Variants in NEGR1 observed in about 807,000 individuals in gnomAD.
The protein encoded by NEGR1 is neuronal growth regulator 1, also known as IgLON family member 4.
In NEGR1, 10 loss-of-function variants were observed where a neutral mutation model predicts 40.9. That is an observed-to-expected ratio of 0.24 (90% CI 0.15 to 0.42). The LOEUF (loss-of-function observed/expected upper bound fraction) is 0.42, where lower values mean the gene tolerates loss of function less well. Among genes scored for constraint, NEGR1 ranks in the 10% least tolerant of loss-of-function variants. The probability of loss-of-function intolerance (pLI) is 1.00; values close to 1 mark genes in which losing one functional copy is unlikely to be tolerated. For synonymous variants in NEGR1, 185 were observed against 166.8 expected (o/e 1.11, Z -0.84); for missense variants, 352 against 438.9 (o/e 0.80, Z 1.77).
rs578210259 is a variant in NEGR1 at position 71,615,020 on chromosome 1, C to A, written c.668-3874G>T. On this transcript the variant is annotated intron_variant, in intron 4 of 6. Transcript: ENST00000357731. The stretch of plus-strand genomic sequence containing the variant: ...AAGAAAAAGTCCTAAGAGCATTTTG[C>A]AAGGTATAGAGTTAAAGGTCCAAGT... Among the ~76,000 whole-genome samples, 614 of 152,114 alleles carry A rather than the reference C, an allele frequency of 4.0e-3. 4 individuals carry two copies. The highest frequency in any genetic ancestry group is 6.5e-3 in the Non-Finnish European group (444 of 68,004).
intron 6 of NEGR1, among the ~76,000 whole-genome samples, chr1:71,524,386 A>C (rs886853479): frequency 3.3e-5 from 5 of 150,332 alleles, no homozygotes; most frequent in Non-Finnish European, 7.4e-5. Context: ...AATATTGTAA[A>C]ATTATTGGTA....
At chr1:72,018,392 C>T (rs1015783420) in intron 1 of NEGR1, among the ~76,000 whole-genome samples, 18 of 152,042 alleles carry the variant, frequency 1.2e-4, no homozygotes, top group African/African-American at 4.3e-4. Flanking sequence ...TAAGAACTAC[C>T]AGTGCCTAGG....
intron 2 of NEGR1, among the ~76,000 whole-genome samples, chr1:71,854,306 G>A (rs909202382): frequency 1.3e-4 from 19 of 151,742 alleles, no homozygotes; most frequent in African/African-American, 4.6e-4. Flanking sequence ...CTTATACTTC[G>A]GGCCCAAATT....
At chr1:71,638,009 G>T (rs899137844) in intron 4 of NEGR1, among the ~76,000 whole-genome samples, 1 of 151,984 alleles carries the variant, frequency 6.6e-6, no homozygotes, top group Admixed American at 6.6e-5. Context: ...ATTTAGATGA[G>T]AAAGCTGAAG....
At chr1:72,036,115 G>T (rs1646899862) in intron 1 of NEGR1, among the ~76,000 whole-genome samples, 1 of 152,136 alleles carries the variant, frequency 6.6e-6, no homozygotes, top group African/African-American at 2.4e-5. Context: ...ACAATTCACA[G>T]TTTTTAGAAT....
In NEGR1 at chr1:72,129,565, A is replaced by G. The variant is rs578113324; in HGVS notation, c.176+152754T>C. ...GGGCGAACAAGCTACAAACAGTAAT[A>G]TTGAAGTTTAGGGAGAAAAGAGTTT... On this transcript the variant is annotated intron_variant, in intron 1 of 6. Coordinates refer to ENST00000357731, the MANE Select transcript of NEGR1 (RefSeq NM_173808.3). Among the ~76,000 whole-genome samples the G allele has an allele frequency of 2.0e-5, 3 of 152,328 alleles. No individual in the cohort carries two copies. The East Asian group carries it at 5.8e-4, about 29-fold the overall frequency.
At chr1:71,987,530 A>T (rs565286956) in intron 1 of NEGR1, among the ~76,000 whole-genome samples, 1 of 152,342 alleles carries the variant, frequency 6.6e-6, no homozygotes, top group East Asian at 1.9e-4. Flanking sequence ...AATGCAGGGC[A>T]TTGACCCTCT....
chr1:71,795,716 CA>C (rs1436140631), intron 2 of NEGR1, among the ~76,000 whole-genome samples: 2 of 152,050 alleles, frequency 1.3e-5, no homozygotes, highest in Admixed American at 1.3e-4. Context: ...CCCTGTGTAT[CA>C]ATATGAACTA....
chr1:71,935,078 C>A lies in NEGR1; in HGVS notation c.409+1G>T. On this transcript the variant is annotated splice_donor_variant, in intron 2 of 6. Transcript: ENST00000357731. LOFTEE classifies it high-confidence loss of function. ...AATATAGCAGTTCTGAAAATACATA[C>A]CTTGCACAGTTAGATGCACCTGCAT... is the stretch of plus-strand genomic sequence containing the variant. 1 of 1,574,750 alleles carries A rather than the reference C, an allele frequency of 6.4e-7. No individual in the cohort carries two copies. Among genetic ancestry groups the A allele is most frequent in the Non-Finnish European group, 8.7e-7 (1 of 1,144,272 alleles).
At chr1:71,871,931 G>T (rs1212725808) in intron 2 of NEGR1, among the ~76,000 whole-genome samples, 21 of 152,142 alleles carry the variant, frequency 1.4e-4, no homozygotes, top group Non-Finnish European at 3.1e-4. Context: ...ATTATGGGAA[G>T]TATTATTCAC....
chr1:72,232,857 T>C (rs1339528169), intron 1 of NEGR1, among the ~76,000 whole-genome samples: 5 of 152,154 alleles, frequency 3.3e-5, no homozygotes, highest in African/African-American at 1.2e-4. Flanking sequence ...AGAGCCTCTT[T>C]TTTGTCCTCT....
chr1:71,407,470 G>A lies in NEGR1; in HGVS notation c.1041C>T (p.Tyr347=). 1 of 1,612,092 alleles carries A rather than the reference G, an allele frequency of 6.2e-7. No individual in the cohort carries two copies. Among genetic ancestry groups the A allele is most frequent in the South Asian group, 1.1e-5 (1 of 90,990 alleles). ...TTTATTGTAGAATGGCATTCTTCAG[G>A]TAGAATATGCTGGTGAAAGAGGACA... ...LTLSSFTSIF[Y]LKNAILQ is the part of the protein sequence containing the mutation. Residue 347 remains tyrosine (Y), a synonymous_variant, in exon 7 of 7, where the codon TAC becomes TAT. Transcript: ENST00000357731.
intron 1 of NEGR1, among the ~76,000 whole-genome samples, chr1:72,212,762 A>T (rs1216668398): frequency 6.6e-6 from 1 of 151,982 alleles, no homozygotes; most frequent in Non-Finnish European, 1.5e-5. Flanking sequence ...TAGGATTGGG[A>T]AACAGAACTT....
intron 1 of NEGR1, among the ~76,000 whole-genome samples, chr1:72,200,439 C>T (rs547429581): frequency 6.6e-6 from 1 of 152,064 alleles, no homozygotes; most frequent in African/African-American, 2.4e-5. Flanking sequence ...ATTGCATGTT[C>T]TCACTTACAG....
chr1:71,765,622 T>C (rs1196507665), intron 3 of NEGR1, among the ~76,000 whole-genome samples: 2 of 152,150 alleles, frequency 1.3e-5, no homozygotes, highest in Non-Finnish European at 2.9e-5. Context: ...CATATTCTGT[T>C]TCTGTCCCAT....
intron 1 of NEGR1, among the ~76,000 whole-genome samples, chr1:72,143,155 A>G (rs1379941318): frequency 6.6e-6 from 1 of 152,128 alleles, no homozygotes; most frequent in Admixed American, 6.6e-5. Flanking sequence ...CGAGAGGCTC[A>G]AAAATTATTA....
chr1:71,469,345 C>G (rs1557537032), intron 6 of NEGR1, among the ~76,000 whole-genome samples: 5 of 151,888 alleles, frequency 3.3e-5, no homozygotes, highest in Admixed American at 1.3e-4. Flanking sequence ...ATAGAGCGCA[C>G]CACTTTTAGT....
rs559370843 is a variant in NEGR1, at chr1:71,743,830, T to G, written c.535+32342A>C. 2.4e-4 allele frequency among the ~76,000 whole-genome samples: 37 copies of G among 152,304 alleles called. No individual in the cohort carries two copies. The South Asian group carries it at 7.7e-3, about 32-fold the overall frequency. On this transcript the variant is annotated intron_variant, in intron 3 of 6. Coordinates refer to ENST00000357731, the MANE Select transcript of NEGR1 (RefSeq NM_173808.3). Reference sequence around the variant, plus strand: ...TGGTACTTAGGTCTTATGTATTGAATTGTCCTCCCTTAGTCAGATAATTGA... The same window carrying G: ...TGGTACTTAGGTCTTATGTATTGAAGTGTCCTCCCTTAGTCAGATAATTGA...
At chr1:71,543,005 CAT>C (rs767304101) in intron 6 of NEGR1, among the ~76,000 whole-genome samples, 1 of 151,668 alleles carries the variant, frequency 6.6e-6, no homozygotes, top group Non-Finnish European at 1.5e-5. Flanking sequence ...TGTGATATGA[CAT>C]GAGTATGTAT....
Sources: gnomAD v4.1 joint callset for allele counts (sites outside exome capture counted in the v4.1 genomes callset) on GRCh38, gnomAD v4.1.1 for gene constraint, MANE v1.5 for transcripts, NCBI Gene and HGNC (gene_info 2026-07-23, HGNC 2026-07-21) for gene names.